The following PAG1 variants were observed in gnomAD, a reference collection of about 807,000 sequenced individuals.
PAG1 encodes the protein phosphoprotein membrane anchor with glycosphingolipid microdomains 1.
PAG1 carries 23 observed loss-of-function variants against 31.7 expected under a neutral mutation model. The ratio of observed to expected loss-of-function variants is 0.73; its 90% CI spans 0.52 to 1.03. The LOEUF is 1.03. PAG1 is among the 50% of genes least tolerant of loss of function. The pLI is 0.00. For missense variants in PAG1, 473 were observed against 540.7 expected, an observed-to-expected ratio of 0.87 and a Z score of 1.24; for synonymous variants, 214 against 210.3, an observed-to-expected ratio of 1.02 and a Z score of -0.15.
At chr8:80,997,673 T>G (rs533940790) in intron 3 of PAG1, among the ~76,000 whole-genome samples, 2 of 152,348 alleles carry the variant, frequency 1.3e-5, no homozygotes, top group African/African-American at 4.8e-5. Context: ...TACTAACACT[T>G]AATTTTGGCA....
chr8:81,064,460 A>G (rs1053095148), intron 2 of PAG1, among the ~76,000 whole-genome samples: 1 of 152,214 alleles, frequency 6.6e-6, no homozygotes, highest in African/African-American at 2.4e-5. Flanking sequence ...TCAGCTTCCT[A>G]TAGGAGTGCA....
chr8:81,101,573 A>C (rs1316232041), intron 1 of PAG1, among the ~76,000 whole-genome samples: 1 of 152,184 alleles, frequency 6.6e-6, no homozygotes, highest in African/African-American at 2.4e-5. Flanking sequence ...AATTCCTAAC[A>C]CTTAAAAAAG....
chr8:80,982,525 C>G (rs1807328931), intron 7 of PAG1, among the ~76,000 whole-genome samples: 1 of 152,160 alleles, frequency 6.6e-6, no homozygotes, highest in Non-Finnish European at 1.5e-5. Context: ...GTGACCTCAC[C>G]CAATCTCATG....
chr8:81,010,384 T>C (rs2130663633), intron 3 of PAG1, among the ~76,000 whole-genome samples: 1 of 152,380 alleles, frequency 6.6e-6, no homozygotes, highest in Admixed American at 6.5e-5. Context: ...ACATTATTTC[T>C]ATGTAGTTTT....
At chr8:81,069,878 TAGGAAGTATACCCA>T (rs1809066319) in intron 2 of PAG1, among the ~76,000 whole-genome samples, 2 of 152,208 alleles carry the variant, frequency 1.3e-5, no homozygotes, top group Non-Finnish European at 2.9e-5. Flanking sequence ...CACCATGTTG[TAGGAAGTATACCCA>T]TTGGCGTCTT....
chr8:81,093,302 G>T (rs1809476831), intron 1 of PAG1, among the ~76,000 whole-genome samples: 1 of 152,014 alleles, frequency 6.6e-6, no homozygotes. Context: ...GTCTGAGGGT[G>T]GTCCGAAAGT....
intron 5 of PAG1, 68 bp from the exon 6 acceptor site, chr8:80,987,534 GAGA>G: frequency 1.8e-6 from 2 of 1,095,728 alleles, no homozygotes; most frequent in Admixed American, 3.5e-5. Context: ...CAGAGCAGAG[GAGA>G]AGATCCATGG....
chr8:81,108,678 C>T (rs1373836824), intron 1 of PAG1, among the ~76,000 whole-genome samples: 1 of 151,898 alleles, frequency 6.6e-6, no homozygotes, highest in Non-Finnish European at 1.5e-5. Context: ...CACAAAAATG[C>T]CATGACCTCT....
At chr8:81,097,128 T>A (rs985427048) in intron 1 of PAG1, among the ~76,000 whole-genome samples, 2 of 152,184 alleles carry the variant, frequency 1.3e-5, no homozygotes, top group African/African-American at 4.8e-5. Flanking sequence ...AGGGAAAGCA[T>A]TTAAAAACTA....
chr8:81,012,717 T>C (rs1808005874), intron 3 of PAG1, among the ~76,000 whole-genome samples: 1 of 152,156 alleles, frequency 6.6e-6, no homozygotes, highest in East Asian at 1.9e-4. Context: ...TTTGAATATA[T>C]TATATATACA....
At chr8:81,051,418 C>A (rs1016940431) in intron 2 of PAG1, among the ~76,000 whole-genome samples, 1 of 152,180 alleles carries the variant, frequency 6.6e-6, no homozygotes, top group Non-Finnish European at 1.5e-5. Flanking sequence ...AATTAGAAAT[C>A]TAAATCTTCT....
intron 1 of PAG1, among the ~76,000 whole-genome samples, chr8:81,071,857 C>T (rs1809099251): frequency 6.6e-6 from 1 of 152,174 alleles, no homozygotes; most frequent in Non-Finnish European, 1.5e-5. Flanking sequence ...TGCTTGTTCT[C>T]CACAGCCCTT....
At chr8:81,074,862 T>C (rs1035104710) in intron 1 of PAG1, among the ~76,000 whole-genome samples, 1 of 152,214 alleles carries the variant, frequency 6.6e-6, no homozygotes, top group African/African-American at 2.4e-5. Flanking sequence ...CTGTTTCCCC[T>C]TCAAACAGCT....
intron 2 of PAG1, among the ~76,000 whole-genome samples, chr8:81,057,526 T>C (rs1393577721): frequency 7.9e-6 from 1 of 126,124 alleles, no homozygotes; most frequent in Non-Finnish European, 1.6e-5. Flanking sequence ...TGAGAACACA[T>C]GGACACAGGA....
chr8:80,991,094 C>G (rs1807536684), intron 5 of PAG1, among the ~76,000 whole-genome samples: 1 of 152,136 alleles, frequency 6.6e-6, no homozygotes, highest in Non-Finnish European at 1.5e-5. Flanking sequence ...GGCTGCAAAC[C>G]ACCAGAAGCC....
At chr8:81,008,788 G>A (rs1807930584) in intron 3 of PAG1, among the ~76,000 whole-genome samples, 1 of 152,016 alleles carries the variant, frequency 6.6e-6, no homozygotes, top group Non-Finnish European at 1.5e-5. Context: ...AGCTGGCACA[G>A]TCCTACTGAC....
rs1404661136 is a variant in PAG1, at chr8:80,972,944, T to C, written c.*3600A>G. ...ATATACACACACACACGTATACGTG[T>C]GTGTGTGTGTGTGTGTGTGTGTAGT... is the stretch of plus-strand genomic sequence containing the variant. On this transcript the variant is annotated 3_prime_UTR_variant, in exon 9 of 9. Transcript: ENST00000220597. 1 of 150,356 alleles carries C rather than the reference T, an allele frequency of 6.7e-6. No homozygotes were observed. The highest frequency in any genetic ancestry group is 1.5e-5 in the Non-Finnish European group (1 of 67,628). 9.3% of individuals were successfully genotyped at this position (150,356 alleles called of 1,614,324 possible). A position where few individuals can be genotyped will look rare whatever the true frequency, so the allele number is the denominator to read the frequency against.
chr8:80,995,868 A>T (rs1807663502), intron 3 of PAG1, among the ~76,000 whole-genome samples: 1 of 152,228 alleles, frequency 6.6e-6, no homozygotes, highest in African/African-American at 2.4e-5. Context: ...TGGGATGCCC[A>T]GCCTATTAGT....
intron 1 of PAG1, among the ~76,000 whole-genome samples, chr8:81,077,106 C>T: frequency 6.6e-6 from 1 of 152,214 alleles, no homozygotes; most frequent in East Asian, 1.9e-4. Context: ...AGTGTGTGAT[C>T]TGCAGACCAG....
Sources: allele counts gnomAD v4.1 joint callset (sites outside exome capture counted in the v4.1 genomes callset), GRCh38; gene constraint gnomAD v4.1.1; transcripts MANE v1.5; gene names NCBI Gene and HGNC (gene_info 2026-07-23, HGNC 2026-07-21).